ABLIM2: variants seen among roughly 807,000 people sequenced by gnomAD.
The protein encoded by ABLIM2 is actin-binding LIM protein 2.
ABLIM2 carries 53 observed loss-of-function variants against 97.7 expected under a neutral mutation model. The observed-to-expected ratio is 0.54, with a 90% CI of 0.44 to 0.68. ABLIM2 has a LOEUF of 0.68. Among genes scored for constraint, ABLIM2 ranks in the 30% least tolerant of loss-of-function variants. The pLI is 0.00. For synonymous variants in ABLIM2, 361 were observed against 345.8 expected, an observed-to-expected ratio of 1.04 and a Z score of -0.49; for missense variants, 835 against 867.2, an observed-to-expected ratio of 0.96 and a Z score of 0.47.
intron 20 of ABLIM2, among the ~76,000 whole-genome samples, chr4:7,971,638 G>A (rs1265114422): frequency 6.6e-6 from 1 of 152,020 alleles, no homozygotes; most frequent in East Asian, 1.9e-4. Context: ...GGACCTCCAG[G>A]GCCATCTCAG....
Position 8,008,080 on chromosome 4 carries a change from C to G in ABLIM2, c.1597G>C (p.Ala533Pro). 1 of 1,614,006 alleles carries G rather than the reference C, an allele frequency of 6.2e-7. No individual in the cohort carries two copies. Among genetic ancestry groups the G allele is most frequent in the Non-Finnish European group, 8.5e-7 (1 of 1,179,888 alleles). The change falls in exon 16 of 21, where the codon GCA (alanine) becomes CCA (proline). Residue 533 changes from alanine (A) to proline (P), a missense_variant. Physicochemically the swap from Ala to Pro is conservative, Grantham distance 27. Transcript: ENST00000447017. ...TCACGTGAGTGAAAGCTGTCCCCTG[C>G]CATCCTTTGGAGAGGGTCTCTGTCG... ...GTDRDPLQRM[A>P]GDSFHSRFPY...
At position 8,082,242 on chromosome 4, in the gene ABLIM2, G is replaced by C. The variant is rs142271391; in HGVS notation, c.455-1440C>G. Among the ~76,000 whole-genome samples, 6 of 152,268 alleles carry C rather than the reference G, an allele frequency of 3.9e-5. No individual in the cohort carries two copies. The highest frequency in any genetic ancestry group is 5.9e-5 in the Non-Finnish European group (4 of 68,024). ...TGGAAAGAAGGTGGCCCCAGGGCCC[G>C]ACGTGCTGGGTACAAATCCTGGCCC... is the stretch of plus-strand genomic sequence containing the variant. On this transcript the variant is annotated intron_variant, in intron 4 of 20. Coordinates refer to ENST00000447017, the MANE Select transcript of ABLIM2 (RefSeq NM_001130083.2). The surrounding 1 kb of genome is among the most constrained non-coding windows in gnomAD (Gnocchi z 5.6).
In ABLIM2 at chr4:8,125,673, T is replaced by C. The variant is rs1847544724; in HGVS notation, c.11-19036A>G. Among the ~76,000 whole-genome samples the C allele has an allele frequency of 6.6e-6, 1 of 152,178 alleles. No individual in the cohort carries two copies. Among genetic ancestry groups the C allele is most frequent in the African/African-American group, 2.4e-5 (1 of 41,456 alleles). ...GTCCGTCCAGCACAGTTGTCCACAGTTGGTGGAAGCACAGTGGGCCTGAGA... is the reference window on the plus strand; with the variant it reads ...GTCCGTCCAGCACAGTTGTCCACAGCTGGTGGAAGCACAGTGGGCCTGAGA... On this transcript the variant is annotated intron_variant, in intron 1 of 20. Transcript: ENST00000447017. The surrounding 1 kb of genome is among the most constrained non-coding windows in gnomAD (Gnocchi z 6.2).
rs768808595 is a variant in ABLIM2 at position 8,088,147 on chromosome 4, C to A, written c.454+22G>T. 4 of 1,435,950 alleles carry A rather than the reference C, an allele frequency of 2.8e-6. No homozygotes were observed. In the African/African-American group the frequency reaches 4.4e-5, roughly 16 times the overall value. 89.0% of individuals were successfully genotyped at this position (1,435,950 alleles called of 1,614,324 possible). ...ACTCAGCATGCCCCCACTCAACATG[C>A]CCCCACTCAGCGCCCACTTACTTCG... On this transcript the variant is annotated intron_variant, in intron 4 of 20. Transcript: ENST00000447017.
Position 8,015,949 on chromosome 4 carries a change from C to G in ABLIM2, c.1423+3669G>C, listed in dbSNP as rs1768772080. On this transcript the variant is annotated intron_variant, in intron 14 of 20. Transcript: ENST00000447017. The surrounding 1 kb of genome is among the most constrained non-coding windows in gnomAD (Gnocchi z 4.6). ...TAGCAAATCGATGATAAAATCACCACACTTCCTCATTTTATAAGTTCAAAT... is the reference window on the plus strand; with the variant it reads ...TAGCAAATCGATGATAAAATCACCAGACTTCCTCATTTTATAAGTTCAAAT... 6.6e-6 allele frequency among the ~76,000 whole-genome samples: 1 copy of G among 151,940 alleles called. No individual in the cohort carries two copies. The highest frequency in any genetic ancestry group is 1.9e-4 in the East Asian group (1 of 5,204).
intron 12 of ABLIM2, 111 bp from the exon 13 acceptor site, chr4:8,020,414 T>A: frequency 2.1e-6 from 2 of 968,330 alleles, no homozygotes; most frequent in Non-Finnish European, 3.2e-6. Flanking sequence ...TCCTGTCTGG[T>A]GGAGCAGCCC....
In ABLIM2 at chr4:8,020,224, T is replaced by G. The variant is rs1578837457; in HGVS notation, c.1347A>C (p.Ala449=). 6.2e-7 allele frequency: 1 copy of G among 1,613,484 alleles called. No individual in the cohort carries two copies. The highest frequency in any genetic ancestry group is 8.5e-7 in the Non-Finnish European group (1 of 1,179,766). ...TACCTGGGACGTGGAAGTGGCGAGG[T>G]GCCTGCTGGTAGGTGGAGGGGGGCG... The part of the protein sequence containing the change: ...SKPPPSTYQQ[A]PRHFHVPDTG... Residue 449 remains alanine, a synonymous_variant, in exon 13 of 21, where the codon GCA becomes GCC. Transcript: ENST00000447017.
chr4:8,013,345 C>T (rs1766412887), intron 14 of ABLIM2, among the ~76,000 whole-genome samples: 1 of 151,188 alleles, frequency 6.6e-6, no homozygotes, highest in East Asian at 1.9e-4. Flanking sequence ...GCCTCAGCCT[C>T]CCGCGTAGCT....
chr4:8,077,786 C>A, intron 5 of ABLIM2, 65 bp from the exon 6 acceptor site: 1 of 1,387,756 alleles, frequency 7.2e-7, no homozygotes, highest in Non-Finnish European at 1.0e-6. Flanking sequence ...ATCTAACAAC[C>A]CTCACCAACA....
intron 20 of ABLIM2, among the ~76,000 whole-genome samples, chr4:7,973,115 G>GTGTGT (rs1347584652): frequency 6.7e-6 from 1 of 149,740 alleles, no homozygotes; most frequent in Non-Finnish European, 1.5e-5. Flanking sequence ...GTGTGTGTAG[G>GTGTGT]GTGAGGGATG....
Position 8,150,998 on chromosome 4 carries a change from C to T in ABLIM2, c.10+7682G>A, listed in dbSNP as rs1373851848. Among the ~76,000 whole-genome samples, 2 of 152,180 alleles carry T rather than the reference C, an allele frequency of 1.3e-5. No individual in the cohort carries two copies. The highest frequency in any genetic ancestry group is 2.9e-5 in the Non-Finnish European group (2 of 68,040). ...TGCCCGTTCCCTGGTGCCTGCCGTGCCCAGGCCCTTGACTCTCACTCAGCA... is the reference window on the plus strand; with the variant it reads ...TGCCCGTTCCCTGGTGCCTGCCGTGTCCAGGCCCTTGACTCTCACTCAGCA... On this transcript the variant is annotated intron_variant, in intron 1 of 20. Transcript: ENST00000447017. This position sits in a 1 kb window ranked among gnomAD's most constrained non-coding sequence, Gnocchi z 6.3.
At chr4:8,126,017 G>C (rs1266552680) in intron 1 of ABLIM2, among the ~76,000 whole-genome samples, 1 of 152,210 alleles carries the variant, frequency 6.6e-6, no homozygotes, top group African/African-American at 2.4e-5. Flanking sequence ...GGGCAGGGCA[G>C]TGTCTCCTCC....
At chr4:8,078,840 C>T (rs907903462) in intron 5 of ABLIM2, among the ~76,000 whole-genome samples, 4 of 152,246 alleles carry the variant, frequency 2.6e-5, no homozygotes, top group Admixed American at 2.0e-4. Flanking sequence ...CTCTCAGCCC[C>T]GGCCAGACCC....
Position 8,072,240 on chromosome 4 carries a change from A to G in ABLIM2, c.675+5388T>C, listed in dbSNP as rs561898867. On this transcript the variant is annotated intron_variant, in intron 6 of 20. Transcript: ENST00000447017. The surrounding 1 kb of genome is among the most constrained non-coding windows in gnomAD (Gnocchi z 5.8). ...TTCCCGATGAACCAGGGCGCACCCC[A>G]AATTCTGTATTTGGCATTAAATATC... Among the ~76,000 whole-genome samples the G allele has an allele frequency of 3.9e-5, 6 of 152,306 alleles. No individual in the cohort carries two copies. Among genetic ancestry groups the G allele is most frequent in the Non-Finnish European group, 7.4e-5 (5 of 68,016 alleles).
chr4:8,058,645 CCCA>C lies in ABLIM2; in HGVS notation c.763+2319_763+2321del, dbSNP rs1256625518. On this transcript the variant is annotated intron_variant, in intron 7 of 20. Transcript: ENST00000447017. The surrounding 1 kb of genome is among the most constrained non-coding windows in gnomAD (Gnocchi z 4.2). ...CTGCACTCCAGCACATGGCCCCTGT[CCCA>C]CCAGTGCTCGCTGGGACCAGACCCT... Among the ~76,000 whole-genome samples, 5 of 152,308 alleles carry C rather than the reference CCCA, an allele frequency of 3.3e-5. No homozygotes were observed. The East Asian group carries it at 9.7e-4, about 29-fold the overall frequency.
Position 8,155,613 on chromosome 4 carries a change from C to T in ABLIM2, c.10+3067G>A, listed in dbSNP as rs149453111. ...TAAATTCATATGCTGAAGTCCTAAC[C>T]CCCAGTACTCCAGGATGTGACTATG... is the stretch of plus-strand genomic sequence containing the variant. On this transcript the variant is annotated intron_variant, in intron 1 of 20. Transcript: ENST00000447017. This position sits in a 1 kb window ranked among gnomAD's most constrained non-coding sequence, Gnocchi z 4.2. Among the ~76,000 whole-genome samples, 235 of 152,274 alleles carry T rather than the reference C, an allele frequency of 1.5e-3. 1 individual carries two copies. Among genetic ancestry groups the T allele is most frequent in the African/African-American group, 5.4e-3 (225 of 41,546 alleles).
chr4:8,028,232 C>T (rs925221528), intron 11 of ABLIM2, among the ~76,000 whole-genome samples: 2 of 152,242 alleles, frequency 1.3e-5, no homozygotes, highest in Non-Finnish European at 2.9e-5. Context: ...ACTCGTCCGG[C>T]GAGATGCAAG....
Position 7,984,910 on chromosome 4 carries a change from G to A in ABLIM2, c.1681-17C>T. On this transcript the variant is annotated splice_polypyrimidine_tract_variant and intron_variant, in intron 17 of 20. Coordinates refer to ENST00000447017, the MANE Select transcript of ABLIM2 (RefSeq NM_001130083.2). The stretch of plus-strand genomic sequence containing the variant: ...ATTGGCATTCTGGAAGAGAAAGAGA[G>A]GTTGGGCGGCAAGAGACAGGCGGCA... 2 of 1,607,470 alleles carry A rather than the reference G, an allele frequency of 1.2e-6. No homozygotes were observed. The highest frequency in any genetic ancestry group is 2.2e-5 in the South Asian group (2 of 89,216).
In ABLIM2 at chr4:8,127,663, A is replaced by G. The variant is rs1848616094; in HGVS notation, c.11-21026T>C. ...CCCACGGAGGATCGGGCAGGAGTGG[A>G]CCGGGGAAGAGCCTCTGTGGCCCAC... On this transcript the variant is annotated intron_variant, in intron 1 of 20. Coordinates refer to ENST00000447017, the MANE Select transcript of ABLIM2 (RefSeq NM_001130083.2). The surrounding 1 kb of genome is among the most constrained non-coding windows in gnomAD (Gnocchi z 7.3). 2 of 1,277,768 alleles carry G rather than the reference A, an allele frequency of 1.6e-6. No individual in the cohort carries two copies. The highest frequency in any genetic ancestry group is 2.3e-5 in the Admixed American group (1 of 43,094). The allele number at this position is 1,277,768 out of a possible 1,614,324, so 79.2% of individuals were successfully genotyped here.
Sources: allele counts gnomAD v4.1 joint callset (sites outside exome capture counted in the v4.1 genomes callset), GRCh38; gene constraint gnomAD v4.1.1; non-coding constraint Gnocchi (gnomAD v3.1); transcripts MANE v1.5; gene names NCBI Gene and HGNC (gene_info 2026-07-23, HGNC 2026-07-21).